TP53I13: variants seen among roughly 807,000 people sequenced by gnomAD.
TP53I13 encodes tumor protein p53-inducible protein 13.
In TP53I13, 27 loss-of-function variants were observed where a neutral mutation model predicts 39.1. That is an observed-to-expected ratio of 0.69 (90% confidence interval 0.51 to 0.95). The LOEUF (loss-of-function observed/expected upper bound fraction) is 0.95. Ranked by LOEUF, TP53I13 falls within the 40% of genes least tolerant of loss-of-function variation. TP53I13 has a pLI of 0.00. For synonymous variants in TP53I13, 230 were observed against 224.6 expected, an observed-to-expected ratio of 1.02 and a Z score of -0.22; for missense variants, 544 against 520.4, an observed-to-expected ratio of 1.05 and a Z score of -0.44.
At chr17:29,566,382 G>A, upstream of TP53I13, 7 of 1,611,034 alleles carry the variant, frequency 4.3e-6, no homozygotes, top group Non-Finnish European at 5.9e-6. Flanking sequence ...AACCGTGGTG[G>A]CCGCGGCGAT....
chr17:29,576,155 G>A (rs541472610), downstream of TP53I13: 31 of 1,612,854 alleles, frequency 1.9e-5, no homozygotes, highest in African/African-American at 1.6e-4. Flanking sequence ...CACAGCGAGC[G>A]TCATGGTGGA....
At chr17:29,566,813 C>A, upstream of TP53I13, 2 of 1,514,652 alleles carry the variant, frequency 1.3e-6, no homozygotes, top group Admixed American at 4.1e-5. Flanking sequence ...GGGCCTCCGC[C>A]GTCCGCCTCC....
chr17:29,567,823 A>G (rs183506208), upstream of TP53I13, among the ~76,000 whole-genome samples: 40 of 152,242 alleles, frequency 2.6e-4, no homozygotes, highest in Non-Finnish European at 4.9e-4. This position sits in a 1 kb window ranked among gnomAD's most constrained non-coding sequence, Gnocchi z 6.6. Context: ...ACCGGGGTGC[A>G]TGGGAGACCA....
In TP53I13 at chr17:29,571,594, G is replaced by C; in HGVS notation, c.187G>C (p.Glu63Gln). The change falls in exon 4 of 7, where the codon GAG (glutamate) becomes CAG (glutamine). Residue 63 changes from glutamate (E) to glutamine (Q), a missense_variant. By Grantham distance (29) the Glu-to-Gln change is conservative. Transcript: ENST00000301057. The part of the protein sequence containing the change: ...TYTRVSPGQA[E>Q]DVTFLYHPCA... ...TGTCTCTGTGCCTTTCCTCCAGGCTGAGGATGTCACCTTCCTCTACCACCC... is the reference window on the plus strand; with the variant it reads ...TGTCTCTGTGCCTTTCCTCCAGGCTCAGGATGTCACCTTCCTCTACCACCC... The C allele has an allele frequency of 6.2e-7, 1 of 1,613,470 alleles. No homozygotes were observed.
upstream of TP53I13, chr17:29,566,402 C>T (rs765251819): frequency 2.5e-6 from 4 of 1,611,624 alleles, no homozygotes; most frequent in African/African-American, 5.3e-5. Context: ...TGGAAGATGA[C>T]CGGGTAGTAG....
chr17:29,567,873 A>G (rs1047439399), upstream of TP53I13, among the ~76,000 whole-genome samples: 2 of 152,042 alleles, frequency 1.3e-5, no homozygotes, highest in African/African-American at 4.8e-5. The surrounding 1 kb of genome is among the most constrained non-coding windows in gnomAD (Gnocchi z 6.6). Flanking sequence ...GCTTTGGGAT[A>G]GGCATCTCGA....
downstream of TP53I13, chr17:29,577,504 C>T: frequency 1.4e-6 from 1 of 719,870 alleles, no homozygotes; most frequent in South Asian, 1.6e-5. Context: ...CCTGACCTTC[C>T]CAAATCCCAG....
chr17:29,580,277 T>A, the TP53I13 span, among the ~76,000 whole-genome samples: 2 of 152,240 alleles, frequency 1.3e-5, no homozygotes, highest in African/African-American at 4.8e-5. Context: ...ACCATACACA[T>A]GCACGCATGC....
At position 29,568,755 on chromosome 17, in the gene TP53I13, T is replaced by G. The variant is rs1427012286; in HGVS notation, c.-4T>G. 3 of 1,573,618 alleles carry G rather than the reference T, an allele frequency of 1.9e-6. No individual in the cohort carries two copies. Among genetic ancestry groups the G allele is most frequent in the Admixed American group, 1.7e-5 (1 of 57,782 alleles). Reference sequence around the variant, plus strand: ...GCGGCGGGCCGGGCCCGGGGCCGCTTGGAATGGCGCCTCCTCCGCCTTCGC... The same window carrying G: ...GCGGCGGGCCGGGCCCGGGGCCGCTGGGAATGGCGCCTCCTCCGCCTTCGC... On this transcript the variant is annotated 5_prime_UTR_variant, in exon 1 of 7. Transcript: ENST00000301057. The surrounding 1 kb of genome is among the most constrained non-coding windows in gnomAD (Gnocchi z 4.5).
At chr17:29,576,608 C>A, downstream of TP53I13, 2 of 1,614,064 alleles carry the variant, frequency 1.2e-6, no homozygotes. Flanking sequence ...GTAGCCAGGG[C>A]CTTCTTCAGC....
Position 29,572,235 on chromosome 17 carries a change from A to C in TP53I13, c.607A>C (p.Lys203Gln). 6.2e-7 allele frequency: 1 copy of C among 1,612,514 alleles called. No homozygotes were observed. The stretch of plus-strand genomic sequence containing the variant: ...CAGGCAGCCCTCTTCTAGTGGTGCC[A>C]AGAGGCGGAGGCTGCGGGCTGCCCT... ...GPRQPSSSGA[K>Q]RRRLRAALGP... Residue 203 changes from lysine (K) to glutamine (Q), a missense_variant, in exon 6 of 7, where the codon AAG (lysine) becomes CAG (glutamine). By Grantham distance (53) the Lys-to-Gln change is moderately conservative. Transcript: ENST00000301057.
In TP53I13 at chr17:29,573,033, A is replaced by G; in HGVS notation, c.*109A>G. On this transcript the variant is annotated 3_prime_UTR_variant, in exon 7 of 7. Coordinates refer to ENST00000301057, the MANE Select transcript of TP53I13 (RefSeq NM_138349.4). ...CGCTCCCTGGTGGCGATGGCGCGGCACTGGCCGAGCACTGCGGGGGCTTTC... is the reference window on the plus strand; with the variant it reads ...CGCTCCCTGGTGGCGATGGCGCGGCGCTGGCCGAGCACTGCGGGGGCTTTC... 1 of 910,994 alleles carries G rather than the reference A, an allele frequency of 1.1e-6. No individual in the cohort carries two copies. Among genetic ancestry groups the G allele is most frequent in the East Asian group, 3.4e-5 (1 of 29,386 alleles). The allele number at this position is 910,994 out of a possible 1,614,324, so 56.4% of individuals were successfully genotyped here.
downstream of TP53I13, chr17:29,576,403 C>T (rs141686136): frequency 6.2e-7 from 1 of 1,613,164 alleles, no homozygotes; most frequent in Admixed American, 1.7e-5. Context: ...TGGGCACCGG[C>T]CCTGGAGGCT....
chr17:29,575,470 C>T (rs36109144), downstream of TP53I13: 2 of 1,600,046 alleles, frequency 1.2e-6, no homozygotes, highest in Non-Finnish European at 1.7e-6. The surrounding 1 kb of genome is among the most constrained non-coding windows in gnomAD (Gnocchi z 5.5). Context: ...TCCCTTCCAG[C>T]CTGAGGCCCA....
chr17:29,574,839 G>A (rs142576554), downstream of TP53I13: 7 of 1,606,328 alleles, frequency 4.4e-6, no homozygotes, highest in South Asian at 2.2e-5. Context: ...ACTGTCTTCC[G>A]GCACTCACTC....
chr17:29,574,697 A>T (rs2033122098), downstream of TP53I13: 8 of 1,608,380 alleles, frequency 5.0e-6, no homozygotes, highest in Non-Finnish European at 6.8e-6. Flanking sequence ...GTGTGGGGAG[A>T]GAGGTCACTG....
chr17:29,581,842 AG>A, the TP53I13 span: 18 of 1,612,548 alleles, frequency 1.1e-5, no homozygotes, highest in East Asian at 4.0e-4. The surrounding 1 kb of genome is among the most constrained non-coding windows in gnomAD (Gnocchi z 4.8). Flanking sequence ...CCTGCCTGTG[AG>A]GAGGGGGTAT....
chr17:29,573,909 C>G (rs1300312625), downstream of TP53I13: 1 of 152,618 alleles, frequency 6.6e-6, no homozygotes, highest in Non-Finnish European at 1.5e-5. Context: ...AGGGAGGCAG[C>G]TGGCAGGACC....
At chr17:29,579,561 C>T in the TP53I13 span, among the ~76,000 whole-genome samples, 1 of 152,066 alleles carries the variant, frequency 6.6e-6, no homozygotes, top group African/African-American at 2.4e-5. Flanking sequence ...GCCTGGGCAA[C>T]ACAGAGATAC....
Sources: allele counts gnomAD v4.1 joint callset (sites outside exome capture counted in the v4.1 genomes callset), GRCh38; gene constraint gnomAD v4.1.1; non-coding constraint Gnocchi (gnomAD v3.1); transcripts MANE v1.5; gene names NCBI Gene and HGNC (gene_info 2026-07-23, HGNC 2026-07-21).